TMEM232: variants seen among roughly 807,000 people sequenced by gnomAD.
TMEM232 encodes transmembrane protein 232.
In TMEM232, 80 loss-of-function variants were observed where a neutral mutation model predicts 78.8. That is an observed-to-expected ratio of 1.01 (90% CI 0.85 to 1.22). The LOEUF (loss-of-function observed/expected upper bound fraction) is 1.22. TMEM232 is among the 50% of genes most tolerant of loss of function. The probability of loss-of-function intolerance (pLI) is 0.00; values close to 1 mark genes in which losing one functional copy is unlikely to be tolerated. For synonymous variants in TMEM232, 297 were observed against 254.3 expected (o/e 1.17, Z -1.60); for missense variants, 881 against 742.2 (o/e 1.19, Z -2.17).
chr5:110,674,029 C>A (rs1012675921), intron 1 of TMEM232, among the ~76,000 whole-genome samples: 1 of 145,298 alleles, frequency 6.9e-6, no homozygotes, highest in Non-Finnish European at 1.5e-5. Context: ...AAAAAAAATT[C>A]GTTTTCCAAC....
intron 8 of TMEM232, among the ~76,000 whole-genome samples, chr5:110,617,232 G>T (rs1783035918): frequency 6.6e-6 from 1 of 152,206 alleles, no homozygotes; most frequent in African/African-American, 2.4e-5. Flanking sequence ...CGAACTTGCA[G>T]AACTAGGTAG....
At chr5:110,727,872 T>C (rs545575043), upstream of TMEM232, among the ~76,000 whole-genome samples, 5 of 152,272 alleles carry the variant, frequency 3.3e-5, no homozygotes, top group African/African-American at 1.2e-4. Context: ...AAACTACATA[T>C]GTGAGAGAAC....
chr5:110,404,482 GT>G (rs1420764644), intron 2 of TMEM232, among the ~76,000 whole-genome samples: 6 of 152,042 alleles, frequency 3.9e-5, no homozygotes, highest in Non-Finnish European at 8.8e-5. Context: ...TGAAAAAAGT[GT>G]TTTAGTTTAT....
chr5:110,734,419 G>T (rs543329234), intron 2 of TMEM232, among the ~76,000 whole-genome samples: 1 of 152,150 alleles, frequency 6.6e-6, no homozygotes. Flanking sequence ...TCTGCCCAAG[G>T]ATATCACTCT....
At chr5:110,443,979 C>G (rs1158093489) in intron 12 of TMEM232, among the ~76,000 whole-genome samples, 1 of 152,142 alleles carries the variant, frequency 6.6e-6, no homozygotes, top group Non-Finnish European at 1.5e-5. Flanking sequence ...TTCCTCTTTA[C>G]TTATTGCTCT....
rs1228245298 is a variant in TMEM232, at chr5:110,698,105, C to T, written c.-13+28522G>A. Reference sequence around the variant, plus strand: ...ATATATACCATGGAATACTATCCAGCCATAAAAAAGGATGAGTTCATGTCC... The same window carrying T: ...ATATATACCATGGAATACTATCCAGTCATAAAAAAGGATGAGTTCATGTCC... On this transcript the variant is annotated intron_variant, in intron 1 of 13. Transcript: ENST00000455884. Among the ~76,000 whole-genome samples the T allele has an allele frequency of 3.9e-5, 6 of 152,040 alleles. No individual in the cohort carries two copies. The East Asian group carries it at 1.2e-3, about 29-fold the overall frequency.
intron 12 of TMEM232, among the ~76,000 whole-genome samples, chr5:110,524,377 AAG>A (rs1485003615): frequency 4.2e-5 from 3 of 72,066 alleles, no homozygotes; most frequent in Admixed American, 1.4e-4. Context: ...GAAAGAAAGA[AAG>A]AAAGAAAGAA....
chr5:110,467,384 C>G (rs1156588652), intron 12 of TMEM232, among the ~76,000 whole-genome samples: 1 of 152,160 alleles, frequency 6.6e-6, no homozygotes, highest in Non-Finnish European at 1.5e-5. Flanking sequence ...TGTTCTAAGG[C>G]TGATGAGATA....
chr5:110,605,097 C>T lies in TMEM232; in HGVS notation c.1276+12G>A. On this transcript the variant is annotated intron_variant, in intron 10 of 13. Transcript: ENST00000455884. ...AAATATTACTCATCAAAGTAAAAAACAATCTACTTACAGTTCTCTGACATT... is the reference window on the plus strand; with the variant it reads ...AAATATTACTCATCAAAGTAAAAAATAATCTACTTACAGTTCTCTGACATT... The T allele has an allele frequency of 6.6e-7, 1 of 1,522,490 alleles. No homozygotes were observed. Among genetic ancestry groups the T allele is most frequent in the Non-Finnish European group, 8.8e-7 (1 of 1,130,826 alleles). The allele number at this position is 1,522,490 out of a possible 1,614,324, so 94.3% of individuals were successfully genotyped here.
chr5:110,497,704 C>T (rs1240757982), intron 12 of TMEM232, among the ~76,000 whole-genome samples: 1 of 152,066 alleles, frequency 6.6e-6, no homozygotes, highest in Non-Finnish European at 1.5e-5. Flanking sequence ...GTAGAACTTT[C>T]TGATGTTTCC....
intron 12 of TMEM232, among the ~76,000 whole-genome samples, chr5:110,474,325 G>C (rs1057297406): frequency 6.6e-6 from 1 of 151,846 alleles, no homozygotes; most frequent in Non-Finnish European, 1.5e-5. Flanking sequence ...ATGGCTAGAA[G>C]TTACTTCTTA....
chr5:110,592,173 C>A (rs143713823), intron 10 of TMEM232, among the ~76,000 whole-genome samples: 1 of 151,954 alleles, frequency 6.6e-6, no homozygotes, highest in African/African-American at 2.4e-5. Context: ...TTGGTAGTGA[C>A]TTATATAAAA....
chr5:110,625,755 T>C (rs1784348503), intron 6 of TMEM232, among the ~76,000 whole-genome samples: 1 of 151,836 alleles, frequency 6.6e-6, no homozygotes, highest in Non-Finnish European at 1.5e-5. Flanking sequence ...AGATGCTGTA[T>C]TCATAATGGA....
Position 110,667,291 on chromosome 5 carries a change from T to C in TMEM232, c.62A>G (p.Tyr21Cys). Reference protein sequence around the residue: ...INTCGGISSPYHEELWKLNFQ... With the variant: ...INTCGGISSPCHEELWKLNFQ... ...ATTTAATTTCCAGAGCTCTTCATGA[T>C]AAGGGGAAGATATGCCTCCACATGT... is the stretch of plus-strand genomic sequence containing the variant. The change falls in exon 2 of 14, where the codon TAT (tyrosine) becomes TGT (cysteine). Residue 21 changes from tyrosine to cysteine, a missense_variant. Transcript: ENST00000455884. 1 of 1,544,892 alleles carries C rather than the reference T, an allele frequency of 6.5e-7. No homozygotes were observed. Among genetic ancestry groups the C allele is most frequent in the Non-Finnish European group, 8.8e-7 (1 of 1,142,300 alleles).
intron 1 of TMEM232, among the ~76,000 whole-genome samples, chr5:110,702,711 G>A (rs1251013609): frequency 2.0e-5 from 3 of 152,048 alleles, no homozygotes; most frequent in Admixed American, 1.3e-4. Flanking sequence ...TTCATTGATG[G>A]ATCATACCTA....
chr5:110,651,498 A>G (rs1255341418), intron 2 of TMEM232, among the ~76,000 whole-genome samples: 8 of 151,784 alleles, frequency 5.3e-5, no homozygotes, highest in African/African-American at 1.4e-4. Flanking sequence ...GAAAGAACAT[A>G]AAGGAAAGAG....
At chr5:110,598,773 A>G (rs1249902961) in intron 10 of TMEM232, among the ~76,000 whole-genome samples, 1 of 148,954 alleles carries the variant, frequency 6.7e-6, no homozygotes, top group Non-Finnish European at 1.5e-5. Context: ...AAAAAACCAA[A>G]CACCGCATGT....
chr5:110,692,744 G>A (rs972994175), intron 1 of TMEM232, among the ~76,000 whole-genome samples: 1 of 152,218 alleles, frequency 6.6e-6, no homozygotes, highest in Admixed American at 6.5e-5. Context: ...GCAGCAGCAA[G>A]GCTGGGGGAG....
At chr5:110,564,422 T>C (rs147641771) in intron 11 of TMEM232, among the ~76,000 whole-genome samples, 4,867 of 152,004 alleles carry the variant, frequency 0.032, 108 homozygotes, top group African/African-American at 0.056. Flanking sequence ...GAGAAAAATA[T>C]ATACGTTTAC....
Sources: gnomAD v4.1 joint callset for allele counts (sites outside exome capture counted in the v4.1 genomes callset) on GRCh38, gnomAD v4.1.1 for gene constraint, MANE v1.5 for transcripts, NCBI Gene and HGNC (gene_info 2026-07-23, HGNC 2026-07-21) for gene names.